Variants in NSRP1 observed in about 807,000 individuals in gnomAD.
NSRP1 encodes the protein coiled-coil domain containing 55.
In NSRP1, 24 loss-of-function variants were observed where a neutral mutation model predicts 54.7. That is an observed-to-expected ratio of 0.44 (90% CI 0.32 to 0.62). The LOEUF (loss-of-function observed/expected upper bound fraction) is 0.62. Among genes scored for constraint, NSRP1 ranks in the 20% least tolerant of loss-of-function variants. The pLI is 0.06. For missense variants in NSRP1, 596 were observed against 651.2 expected, an observed-to-expected ratio of 0.92 and a Z score of 0.92; for synonymous variants, 210 against 213.8, an observed-to-expected ratio of 0.98 and a Z score of 0.15.
At chr17:30,138,327 T>G (rs540710414) in intron 2 of NSRP1, among the ~76,000 whole-genome samples, 9 of 152,332 alleles carry the variant, frequency 5.9e-5, no homozygotes, top group African/African-American at 2.2e-4. Flanking sequence ...TCAGTTCTTT[T>G]GAGTGTACAA....
chr17:30,123,131 G>T (rs141675645), intron 2 of NSRP1, among the ~76,000 whole-genome samples: 1 of 147,110 alleles, frequency 6.8e-6, no homozygotes, highest in South Asian at 2.1e-4. Context: ...ACAGAGTCTC[G>T]CTCTGTAGCC....
Position 30,177,972 on chromosome 17 carries a change from G to A in NSRP1, c.172-99G>A, listed in dbSNP as rs750071771. ...CTAAAAATGTGATTGTAATTTTTAT[G>A]ATATATTTTCAATTTATGAACCATT... On this transcript the variant is annotated intron_variant, in intron 3 of 6. Transcript: ENST00000247026. 28 of 1,313,684 alleles carry A rather than the reference G, an allele frequency of 2.1e-5. No homozygotes were observed. The African/African-American group carries it at 3.9e-4, about 18-fold the overall frequency. The allele number at this position is 1,313,684 out of a possible 1,614,324, so 81.4% of individuals were successfully genotyped here. A position where few individuals can be genotyped will look rare whatever the true frequency, so the allele number is the denominator to read the frequency against.
intron 3 of NSRP1, among the ~76,000 whole-genome samples, chr17:30,174,628 A>C (rs543742841): frequency 7.9e-5 from 12 of 152,282 alleles, no homozygotes; most frequent in Admixed American, 7.2e-4. Flanking sequence ...TCTCTGATAG[A>C]TATTTGTTGC....
intron 3 of NSRP1, among the ~76,000 whole-genome samples, chr17:30,176,271 C>T (rs1905122949): frequency 6.6e-6 from 1 of 152,052 alleles, no homozygotes; most frequent in African/African-American, 2.4e-5. Context: ...CTCAAGTGCT[C>T]CCCTACAGCT....
At chr17:30,172,659 C>G (rs2073155296) in intron 3 of NSRP1, 61 bp downstream of exon 3, 1 of 1,404,006 alleles carries the variant, frequency 7.1e-7, no homozygotes, top group Non-Finnish European at 9.9e-7. Context: ...TTTTAAGCAT[C>G]AGTTTTGGTA....
chr17:30,179,060 T>C (rs1905215858), intron 4 of NSRP1, 30 bp from the exon 5 acceptor site: 3 of 1,332,964 alleles, frequency 2.3e-6, no homozygotes, highest in South Asian at 1.8e-5. Context: ...ATTTTTTTAC[T>C]CTTTTCCTAA....
intron 2 of NSRP1, among the ~76,000 whole-genome samples, chr17:30,163,732 A>G (rs986878901): frequency 1.4e-5 from 2 of 141,414 alleles, no homozygotes; most frequent in Non-Finnish European, 3.0e-5. Context: ...CCCAGGCTAG[A>G]GTGCAGTGGC....
In NSRP1 at chr17:30,180,807, C is replaced by T. The variant is rs117046055; in HGVS notation, c.509-101C>T. On this transcript the variant is annotated intron_variant, in intron 5 of 6. Coordinates refer to ENST00000247026, the MANE Select transcript of NSRP1 (RefSeq NM_032141.4). ...TGCAGTTTGCCAACTCCTGATCCAGCGAGTAGTTTACACACTGTATGTTAT... is the reference window on the plus strand; with the variant it reads ...TGCAGTTTGCCAACTCCTGATCCAGTGAGTAGTTTACACACTGTATGTTAT... The T allele has an allele frequency of 7.8e-3, 5,467 of 704,590 alleles. 29 individuals carry two copies. Among genetic ancestry groups the T allele is most frequent in the Non-Finnish European group, 0.011 (4,687 of 412,908 alleles). 43.6% of individuals were successfully genotyped at this position (704,590 alleles called of 1,614,324 possible).
At chr17:30,119,362 A>C (rs954740765) in intron 2 of NSRP1, among the ~76,000 whole-genome samples, 6 of 151,526 alleles carry the variant, frequency 4.0e-5, no homozygotes, top group Non-Finnish European at 7.4e-5. Context: ...CAGGTGCCCC[A>C]CCACCACGCC....
intron 2 of NSRP1, among the ~76,000 whole-genome samples, chr17:30,134,237 A>G (rs565847064): frequency 3.9e-5 from 6 of 152,372 alleles, no homozygotes; most frequent in South Asian, 4.1e-4. Flanking sequence ...GGCATGGTAC[A>G]TGGCTTCCCC....
chr17:30,181,663 T>G (rs573596800), intron 6 of NSRP1, among the ~76,000 whole-genome samples: 22 of 149,812 alleles, frequency 1.5e-4, no homozygotes, highest in African/African-American at 5.2e-4. Context: ...CAGGCTGGAG[T>G]GCAATGGCGC....
intron 2 of NSRP1, among the ~76,000 whole-genome samples, chr17:30,149,005 A>T (rs2071882405): frequency 1.3e-5 from 2 of 152,024 alleles, no homozygotes; most frequent in Non-Finnish European, 2.9e-5. Flanking sequence ...TTATTTTGTC[A>T]ATCTTCCTAA....
At chr17:30,176,010 C>G (rs201050621) in intron 3 of NSRP1, among the ~76,000 whole-genome samples, 1 of 122,842 alleles carries the variant, frequency 8.1e-6, no homozygotes, top group Non-Finnish European at 1.7e-5. Context: ...ACCCCCCCCC[C>G]AAAAAAAAAG....
chr17:30,156,660 C>G (rs2071965702), intron 2 of NSRP1: 1 of 152,160 alleles, frequency 6.6e-6, no homozygotes, highest in South Asian at 2.1e-4. Context: ...GCTGCAATTA[C>G]AGGTATGCAC....
chr17:30,185,325 G>A lies in NSRP1; in HGVS notation c.1328G>A (p.Gly443Asp), dbSNP rs755392730. The change falls in exon 7 of 7, where the codon GGT (glycine) becomes GAT (aspartate). Residue 443 changes from glycine to aspartate, a missense_variant. By Grantham distance (94) the Gly-to-Asp change is moderately conservative. Transcript: ENST00000247026. Reference protein sequence around the residue: ...KYRDREKREVGVQSSERNQDR... With the variant: ...KYRDREKREVDVQSSERNQDR... ...AGAGATAGAGAAAAACGAGAGGTAG[G>A]TGTTCAGTCTTCAGAAAGAAATCAA... 3.1e-6 allele frequency: 5 copies of A among 1,608,394 alleles called. No homozygotes were observed. The highest frequency in any genetic ancestry group is 1.1e-5 in the South Asian group (1 of 89,240).
chr17:30,164,540 T>G (rs558257029), intron 2 of NSRP1, among the ~76,000 whole-genome samples: 1 of 152,184 alleles, frequency 6.6e-6, no homozygotes, highest in Non-Finnish European at 1.5e-5. Flanking sequence ...CTTATGCCTA[T>G]AATCCCAGCA....
At chr17:30,128,399 T>C (rs2071669880) in intron 2 of NSRP1, among the ~76,000 whole-genome samples, 1 of 152,070 alleles carries the variant, frequency 6.6e-6, no homozygotes, top group Non-Finnish European at 1.5e-5. Context: ...AATAGTGAGC[T>C]ACCATTTTTT....
intron 2 of NSRP1, among the ~76,000 whole-genome samples, chr17:30,161,645 A>G (rs1209569733): frequency 6.6e-6 from 1 of 152,210 alleles, no homozygotes; most frequent in Non-Finnish European, 1.5e-5. Flanking sequence ...TGTCCTGTGT[A>G]TGGGATTTGA....
chr17:30,149,712 G>C (rs574288451), intron 2 of NSRP1, among the ~76,000 whole-genome samples: 1 of 151,966 alleles, frequency 6.6e-6, no homozygotes, highest in South Asian at 2.1e-4. Flanking sequence ...GCACATGCCT[G>C]TGGTCCTAGC....
Sources: gnomAD v4.1 joint callset for allele counts (sites outside exome capture counted in the v4.1 genomes callset) on GRCh38, gnomAD v4.1.1 for gene constraint, MANE v1.5 for transcripts, NCBI Gene and HGNC (gene_info 2026-07-23, HGNC 2026-07-21) for gene names.